The following FBXW4 variants were observed in gnomAD, a reference collection of about 807,000 sequenced individuals.
The protein encoded by FBXW4 is F-box and WD repeat domain containing 4, also known as F-box/WD repeat-containing protein 4.
In FBXW4, 40 loss-of-function variants were observed where a neutral mutation model predicts 61.8. The observed-to-expected ratio is 0.65, with a 90% CI of 0.50 to 0.84. The LOEUF (loss-of-function observed/expected upper bound fraction) is 0.84. Among genes scored for constraint, FBXW4 ranks in the 40% least tolerant of loss-of-function variants. The pLI, the probability that FBXW4 is intolerant of heterozygous loss-of-function variation, is 0.00. For missense variants in FBXW4, 672 were observed against 753.8 expected (o/e 0.89, Z 1.27); for synonymous variants, 311 against 313.8 (o/e 0.99, Z 0.10).
intron 5 of FBXW4, among the ~76,000 whole-genome samples, chr10:101,652,945 A>G (rs1222075389): frequency 6.6e-6 from 1 of 152,070 alleles, no homozygotes; most frequent in East Asian, 1.9e-4. Flanking sequence ...CTTTGGTGCT[A>G]ATCCCTCACA....
At chr10:101,621,431 G>A (rs1482316475) in intron 6 of FBXW4, among the ~76,000 whole-genome samples, 1 of 152,166 alleles carries the variant, frequency 6.6e-6, no homozygotes, top group Non-Finnish European at 1.5e-5. Context: ...GGGAGGCTGA[G>A]GCAGAAGGAC....
chr10:101,646,317 G>C (rs968818048), intron 5 of FBXW4, among the ~76,000 whole-genome samples: 8 of 152,184 alleles, frequency 5.3e-5, no homozygotes, highest in African/African-American at 1.9e-4. Context: ...GGCCTTAAAG[G>C]GGCAGACTGG....
rs2063784124 is a variant in FBXW4, at chr10:101,611,518, G to C, written c.1585-108C>G. On this transcript the variant is annotated intron_variant, in intron 8 of 8. Coordinates refer to ENST00000331272, the MANE Select transcript of FBXW4 (RefSeq NM_022039.4). This position sits in a 1 kb window ranked among gnomAD's most constrained non-coding sequence, Gnocchi z 4.9. ...GGAAGAGGGACGTGTGCCATTGTAG[G>C]CTTCTTCCAACCCTTTCTAGGCACG... 6.4e-6 allele frequency: 10 copies of C among 1,571,186 alleles called. No individual in the cohort carries two copies. In the Admixed American group the frequency reaches 1.6e-4, roughly 25 times the overall value.
rs114870461 is a variant in FBXW4, at chr10:101,666,404, G to A, written c.1235+1482C>T. On this transcript the variant is annotated intron_variant, in intron 5 of 8. Coordinates refer to ENST00000331272, the MANE Select transcript of FBXW4 (RefSeq NM_022039.4). ...TGAAGAATTAATGACGTGGCTAATC[G>A]GCTCTAATTCTTAGAAAGAAAAAAA... Among the ~76,000 whole-genome samples, 465 of 152,194 alleles carry A rather than the reference G, an allele frequency of 3.1e-3. 5 individuals are homozygous for A. The highest frequency in any genetic ancestry group is 0.011 in the African/African-American group (446 of 41,512).
At chr10:101,681,757 T>TAATAATAATAAC (rs796447684) in intron 1 of FBXW4, among the ~76,000 whole-genome samples, 1 of 145,708 alleles carries the variant, frequency 6.9e-6, no homozygotes, top group Non-Finnish European at 1.5e-5. Context: ...ATAATAATAA[T>TAATAATAATAAC]AACAGGTCTA....
chr10:101,669,759 C>CTT lies in FBXW4; in HGVS notation c.1141-1781_1141-1780dup, dbSNP rs66921816. 6.2e-3 allele frequency among the ~76,000 whole-genome samples: 906 copies of CTT among 145,100 alleles called. 5 individuals carry two copies. The highest frequency in any genetic ancestry group is 0.02 in the South Asian group (93 of 4,546). On this transcript the variant is annotated intron_variant, in intron 4 of 8. Coordinates refer to ENST00000331272, the MANE Select transcript of FBXW4 (RefSeq NM_022039.4). ...CTGGAAAAGATTCAGTGGGAGTGGA[C>CTT]TTTTTTTTTTTTTGAGATGGAGTCT...
At chr10:101,614,989 T>C (rs2063814949) in intron 6 of FBXW4, among the ~76,000 whole-genome samples, 1 of 152,126 alleles carries the variant, frequency 6.6e-6, no homozygotes, top group Admixed American at 6.5e-5. Context: ...GCCCCAAACT[T>C]TGGGGGAAAA....
intron 1 of FBXW4, among the ~76,000 whole-genome samples, chr10:101,691,838 A>G (rs923519959): frequency 1.3e-4 from 20 of 152,218 alleles, no homozygotes; most frequent in Admixed American, 1.1e-3. Context: ...TGCATGCCCA[A>G]GAAGTCCCAA....
At chr10:101,673,797 T>A in intron 2 of FBXW4, 124 bp from the exon 3 acceptor site, 1 of 846,466 alleles carries the variant, frequency 1.2e-6, no homozygotes, top group Non-Finnish European at 1.8e-6. Flanking sequence ...TTATTATCTA[T>A]ACTTGATACC....
intron 6 of FBXW4, among the ~76,000 whole-genome samples, chr10:101,617,118 T>C (rs1428133351): frequency 6.6e-6 from 1 of 152,210 alleles, no homozygotes; most frequent in East Asian, 1.9e-4. Flanking sequence ...GTCCATACTG[T>C]GTACCAGGCA....
chr10:101,651,327 G>C (rs76657851), intron 5 of FBXW4, among the ~76,000 whole-genome samples: 2 of 152,000 alleles, frequency 1.3e-5, no homozygotes, highest in Non-Finnish European at 2.9e-5. Flanking sequence ...GTGGGGTGGA[G>C]AGGGTGGGAA....
chr10:101,674,732 A>G (rs868811180), intron 2 of FBXW4, among the ~76,000 whole-genome samples: 1 of 152,252 alleles, frequency 6.6e-6, no homozygotes. Flanking sequence ...CAGGCAACTG[A>G]TAAGAGAAAT....
chr10:101,630,759 A>T (rs1370307982), intron 5 of FBXW4, among the ~76,000 whole-genome samples: 1 of 152,208 alleles, frequency 6.6e-6, no homozygotes, highest in East Asian at 1.9e-4. Context: ...AGTTCCTAAG[A>T]TCCAGCCAAC....
chr10:101,689,031 A>G (rs2064561472), intron 1 of FBXW4, among the ~76,000 whole-genome samples: 1 of 152,164 alleles, frequency 6.6e-6, no homozygotes, highest in Non-Finnish European at 1.5e-5. Context: ...ACATTCAAAA[A>G]TAATTTTTTA....
intron 6 of FBXW4, among the ~76,000 whole-genome samples, chr10:101,618,187 T>G (rs553356860): frequency 6.6e-6 from 1 of 152,246 alleles, no homozygotes; most frequent in South Asian, 2.1e-4. Flanking sequence ...CTCACTCATA[T>G]CCTGTGCTCA....
At chr10:101,619,592 G>C (rs2063852080) in intron 6 of FBXW4, among the ~76,000 whole-genome samples, 1 of 151,924 alleles carries the variant, frequency 6.6e-6, no homozygotes, top group Non-Finnish European at 1.5e-5. Context: ...CCGGGAGGCG[G>C]AGTTTGCAGT....
intron 1 of FBXW4, among the ~76,000 whole-genome samples, chr10:101,685,499 T>C (rs2064525003): frequency 6.6e-6 from 1 of 152,202 alleles, no homozygotes; most frequent in Non-Finnish European, 1.5e-5. Context: ...AGCCAAAATA[T>C]TGCCCATGAT....
At chr10:101,679,033 C>T (rs772144782) in intron 1 of FBXW4, among the ~76,000 whole-genome samples, 48 of 152,270 alleles carry the variant, frequency 3.2e-4, no homozygotes, top group South Asian at 8.3e-4. Context: ...GAGTCTTTCT[C>T]GAAACCCCTA....
intron 5 of FBXW4, among the ~76,000 whole-genome samples, chr10:101,629,430 C>T (rs924333117): frequency 4.6e-5 from 7 of 152,052 alleles, no homozygotes; most frequent in African/African-American, 7.2e-5. Context: ...TTAACAGGTG[C>T]GCACCACCAC....
Sources: allele counts gnomAD v4.1 joint callset (sites outside exome capture counted in the v4.1 genomes callset), GRCh38; gene constraint gnomAD v4.1.1; non-coding constraint Gnocchi (gnomAD v3.1); transcripts MANE v1.5; gene names NCBI Gene and HGNC (gene_info 2026-07-23, HGNC 2026-07-21).